The following LAMP1 variants were observed in gnomAD, a reference collection of about 807,000 sequenced individuals.
The protein encoded by LAMP1 is lysosome associated membrane protein 1, also known as lysosome-associated membrane glycoprotein 1.
A neutral mutation model predicts 37.5 loss-of-function variants in LAMP1; 7 were observed. The observed-to-expected ratio is 0.19, with a 90% CI of 0.11 to 0.35. The LOEUF (loss-of-function observed/expected upper bound fraction) is 0.35. Among genes scored for constraint, LAMP1 ranks in the 10% least tolerant of loss-of-function variants. LAMP1 has a pLI of 1.00. For synonymous variants in LAMP1, 236 were observed against 229.1 expected (o/e 1.03, Z -0.27); for missense variants, 537 against 552.8 (o/e 0.97, Z 0.29).
At chr13:113,304,423 C>G (rs1028565218) in intron 1 of LAMP1, among the ~76,000 whole-genome samples, 1 of 152,244 alleles carries the variant, frequency 6.6e-6, no homozygotes, top group African/African-American at 2.4e-5. Flanking sequence ...TCTGTACACT[C>G]ATCTGATCTT....
rs531380771 is a variant in LAMP1 at position 113,323,481 on chromosome 13, G to C, written c.*1060G>C. ...AAATGGGAGCTCATGAGAGAAGGAC[G>C]TCAGGGAAACGGGGTTGAGGGTGGT... On this transcript the variant is annotated 3_prime_UTR_variant, in exon 9 of 9. Coordinates refer to ENST00000332556, the MANE Select transcript of LAMP1 (RefSeq NM_005561.4). 93 of 151,620 alleles carry C rather than the reference G, an allele frequency of 6.1e-4. No individual in the cohort carries two copies. Among genetic ancestry groups the C allele is most frequent in the African/African-American group, 2.2e-3 (91 of 41,238 alleles). The allele number at this position is 151,620 out of a possible 1,614,324, so 9.4% of individuals were successfully genotyped here. A position where few individuals can be genotyped will look rare whatever the true frequency, so the allele number is the denominator to read the frequency against.
chr13:113,319,299 C>A (rs553808396), intron 4 of LAMP1, among the ~76,000 whole-genome samples, 170 bp from the exon 5 acceptor site: 1 of 152,254 alleles, frequency 6.6e-6, no homozygotes. Flanking sequence ...CCAGCTCTTT[C>A]CTGCGCGTCT....
Position 113,319,576 on chromosome 13 carries a change from G to A in LAMP1, c.670G>A (p.Val224Met), listed in dbSNP as rs982890555. The A allele has an allele frequency of 2.5e-6, 4 of 1,613,842 alleles. No individual in the cohort carries two copies. Among genetic ancestry groups the A allele is most frequent in the Non-Finnish European group, 2.5e-6 (3 of 1,180,032 alleles). Residue 224 changes from valine to methionine, a missense_variant, in exon 5 of 9, where the codon GTG becomes ATG. Physicochemically the swap from Val to Met is conservative, Grantham distance 21. Transcript: ENST00000332556. ...PKSPSVDKYN[V>M]SGTNGTCLLA... ...GAGCCCCTCTGTGGACAAGTACAAC[G>A]TGAGCGGCACCAACGGGACCTGCCT...
intron 1 of LAMP1, among the ~76,000 whole-genome samples, chr13:113,298,425 C>T (rs1299572105): frequency 1.3e-5 from 2 of 151,926 alleles, no homozygotes; most frequent in African/African-American, 4.8e-5. Flanking sequence ...CCGCCCTCCC[C>T]CGTAATATGA....
rs762526294 is a variant in LAMP1, at chr13:113,320,267, G to A, written c.751-78G>A. On this transcript the variant is annotated intron_variant, in intron 5 of 8. Coordinates refer to ENST00000332556, the MANE Select transcript of LAMP1 (RefSeq NM_005561.4). This position sits in a 1 kb window ranked among gnomAD's most constrained non-coding sequence, Gnocchi z 4.4. ...AAAACAAATGTGGCCTTGAATTCAC[G>A]GTTTCAGGACTGTTTGTCTTTTCGA... The A allele has an allele frequency of 7.3e-5, 114 of 1,552,652 alleles. No individual in the cohort carries two copies. The highest frequency in any genetic ancestry group is 1.0e-4 in the Admixed American group (6 of 58,186).
intron 3 of LAMP1, 84 bp from the exon 4 acceptor site, chr13:113,310,625 C>G (rs2042625482): frequency 9.4e-7 from 1 of 1,066,626 alleles, no homozygotes; most frequent in African/African-American, 1.7e-5. Flanking sequence ...GAATCTATAA[C>G]TGACATCAGG....
At chr13:113,310,296 G>A (rs1274853952) in intron 3 of LAMP1, among the ~76,000 whole-genome samples, 1 of 151,924 alleles carries the variant, frequency 6.6e-6, no homozygotes, top group East Asian at 1.9e-4. Context: ...GGGAGGCCGA[G>A]GCGGGCAGAT....
At chr13:113,316,624 T>A (rs1447773010) in intron 4 of LAMP1, among the ~76,000 whole-genome samples, 2 of 152,062 alleles carry the variant, frequency 1.3e-5, no homozygotes, top group Non-Finnish European at 2.9e-5. Context: ...GGTTTCACCG[T>A]GTTAACCAGG....
chr13:113,297,824 G>A lies in LAMP1; in HGVS notation c.61+329G>A, dbSNP rs1003708797. ...TTGCTCGGCGGTCTGGTGCTTTCAG[G>A]TCGTTAAGTTTCCTGGCAAGTTGAG... On this transcript the variant is annotated intron_variant, in intron 1 of 8. Coordinates refer to ENST00000332556, the MANE Select transcript of LAMP1 (RefSeq NM_005561.4). The surrounding 1 kb of genome is among the most constrained non-coding windows in gnomAD (Gnocchi z 4.4). Among the ~76,000 whole-genome samples the A allele has an allele frequency of 6.6e-6, 1 of 152,200 alleles. No individual in the cohort carries two copies. Among genetic ancestry groups the A allele is most frequent in the African/African-American group, 2.4e-5 (1 of 41,454 alleles).
intron 4 of LAMP1, among the ~76,000 whole-genome samples, chr13:113,318,091 C>T (rs1376680751): frequency 6.6e-6 from 1 of 152,244 alleles, no homozygotes; most frequent in African/African-American, 2.4e-5. Context: ...TCCCAGTGGC[C>T]GTCAGTGCCT....
intron 8 of LAMP1, 79 bp from the exon 9 acceptor site, chr13:113,322,203 G>C: frequency 6.8e-7 from 1 of 1,471,278 alleles, no homozygotes; most frequent in Non-Finnish European, 9.1e-7. Flanking sequence ...TGGCTGATGT[G>C]GGGGAGTGGT....
At chr13:113,313,926 T>A (rs554205188) in intron 4 of LAMP1, among the ~76,000 whole-genome samples, 3 of 110,500 alleles carry the variant, frequency 2.7e-5, no homozygotes, top group South Asian at 5.8e-4. Context: ...GCCTGGGGCG[T>A]GGCCTCCTAG....
At chr13:113,317,626 G>T (rs113617720) in intron 4 of LAMP1, among the ~76,000 whole-genome samples, 17 of 151,768 alleles carry the variant, frequency 1.1e-4, no homozygotes, top group African/African-American at 4.1e-4. Flanking sequence ...AAGACTGGCC[G>T]GTTTTGCACA....
rs919624259 is a variant in LAMP1, at chr13:113,320,979, G to C, written c.877-425G>C. The C allele has an allele frequency of 8.3e-6, 2 of 242,234 alleles. No individual in the cohort carries two copies. The highest frequency in any genetic ancestry group is 5.2e-5 in the Admixed American group (1 of 19,400). 15.0% of individuals were successfully genotyped at this position (242,234 alleles called of 1,614,324 possible). ...AGACTGACTCTCAAGAGGTCTGGAA[G>C]GACCAGCCTGGGCAGCACAGGGAGG... is the stretch of plus-strand genomic sequence containing the variant. On this transcript the variant is annotated intron_variant, in intron 6 of 8. Transcript: ENST00000332556. The surrounding 1 kb of genome is among the most constrained non-coding windows in gnomAD (Gnocchi z 4.4).
Position 113,306,625 on chromosome 13 carries a change from C to G in LAMP1, c.183+19C>G. 1.2e-6 allele frequency: 2 copies of G among 1,606,926 alleles called. No individual in the cohort carries two copies. Among genetic ancestry groups the G allele is most frequent in the Non-Finnish European group, 1.7e-6 (2 of 1,176,852 alleles). ...CCCTAAGGTAGGAAACACCAGGGCA[C>G]TTCATGCTTCCCTTGTGTGTGTGGA... On this transcript the variant is annotated intron_variant, in intron 2 of 8. Coordinates refer to ENST00000332556, the MANE Select transcript of LAMP1 (RefSeq NM_005561.4).
At chr13:113,310,638 T>G in intron 3 of LAMP1, 71 bp from the exon 4 acceptor site, 1 of 1,232,420 alleles carries the variant, frequency 8.1e-7, no homozygotes. Context: ...ACATCAGGGC[T>G]AAAATAAAAA....
At chr13:113,301,170 A>G (rs968068053) in intron 1 of LAMP1, among the ~76,000 whole-genome samples, 6 of 151,986 alleles carry the variant, frequency 3.9e-5, no homozygotes, top group Admixed American at 3.3e-4. Flanking sequence ...AAACATATGC[A>G]CGGATCCACA....
chr13:113,321,400 T>A lies in LAMP1; in HGVS notation c.877-4T>A, dbSNP rs760326914. On this transcript the variant is annotated splice_region_variant and splice_polypyrimidine_tract_variant and intron_variant, in intron 6 of 8. Transcript: ENST00000332556. The surrounding 1 kb of genome is among the most constrained non-coding windows in gnomAD (Gnocchi z 5.6). ...CGTGATTAAAGATCATTTTTCTTTT[T>A]AAGAATGCAAGTTCTAGCCGGTTTT... 6.2e-7 allele frequency: 1 copy of A among 1,612,066 alleles called. No individual in the cohort carries two copies. The highest frequency in any genetic ancestry group is 1.1e-5 in the South Asian group (1 of 91,032).
At chr13:113,299,145 A>C (rs536351086) in intron 1 of LAMP1, among the ~76,000 whole-genome samples, 15 of 150,814 alleles carry the variant, frequency 9.9e-5, no homozygotes, top group South Asian at 6.5e-4. Flanking sequence ...GTCTCAAAAC[A>C]AAAAAAAAAT....
Sources: gnomAD v4.1 joint callset for allele counts (sites outside exome capture counted in the v4.1 genomes callset) on GRCh38, gnomAD v4.1.1 for gene constraint, Gnocchi (gnomAD v3.1) non-coding constraint, MANE v1.5 for transcripts, NCBI Gene and HGNC (gene_info 2026-07-23, HGNC 2026-07-21) for gene names.